FRMD4B: variants seen among roughly 807,000 people sequenced by gnomAD.
FRMD4B encodes the protein FERM domain containing 4B.
In FRMD4B, 74 loss-of-function variants were observed where a neutral mutation model predicts 141.5. The ratio of observed to expected loss-of-function variants is 0.52; its 90% CI spans 0.43 to 0.63. The LOEUF is 0.63. FRMD4B is among the 30% of genes least tolerant of loss of function. FRMD4B has a pLI of 0.00. For missense variants in FRMD4B, 1,366 were observed against 1,253.4 expected, an observed-to-expected ratio of 1.09 and a Z score of -1.36; for synonymous variants, 506 against 467.9, an observed-to-expected ratio of 1.08 and a Z score of -1.05.
At position 69,193,822 on chromosome 3, in the gene FRMD4B, C is replaced by T. The variant is rs1469614007; in HGVS notation, c.1540G>A (p.Val514Met). 6.2e-7 allele frequency: 1 copy of T among 1,613,728 alleles called. No homozygotes were observed. The highest frequency in any genetic ancestry group is 1.1e-5 in the South Asian group (1 of 91,060). ...TTGGCAAGTTTCTTTGCAGCTTCCA[C>T]CAGCTTTTGTTGTATTAGAAAATTA... ...ESNFLIQQKL[V>M]EAAKKLANEP... is the part of the protein sequence containing the mutation. The change falls in exon 17 of 23, where the codon GTG becomes ATG. Residue 514 changes from valine (V) to methionine (M), a missense_variant. Physicochemically the swap from Val to Met is conservative, Grantham distance 21. Coordinates refer to ENST00000398540, the MANE Select transcript of FRMD4B (RefSeq NM_015123.3).
intron 19 of FRMD4B, among the ~76,000 whole-genome samples, chr3:69,185,950 G>A (rs1391891481): frequency 3.3e-5 from 5 of 151,684 alleles, no homozygotes; most frequent in Non-Finnish European, 1.5e-5. Context: ...GCTGAGGGGG[G>A]AGAATTGCTT....
intron 1 of FRMD4B, among the ~76,000 whole-genome samples, chr3:69,527,482 A>G (rs929973778): frequency 3.3e-5 from 5 of 152,246 alleles, no homozygotes; most frequent in African/African-American, 9.6e-5. Flanking sequence ...AAAGCAAAGC[A>G]GAGGCAAAGA....
chr3:69,271,578 AT>A (rs11334768), intron 5 of FRMD4B, among the ~76,000 whole-genome samples: 37,813 of 152,180 alleles, frequency 0.25, 4,973 homozygotes, highest in East Asian at 0.45. Flanking sequence ...TAATGCTCAT[AT>A]TAAAGACAAA....
intron 1 of FRMD4B, among the ~76,000 whole-genome samples, chr3:69,476,305 T>G (rs1346294682): frequency 6.6e-6 from 1 of 152,058 alleles, no homozygotes. Context: ...TGGTAATGCC[T>G]AGGTTTTCTT....
At chr3:69,228,362 AG>A in intron 7 of FRMD4B, 1 of 457,022 alleles carries the variant, frequency 2.2e-6, no homozygotes, top group South Asian at 1.5e-5. Context: ...CAAGTGAGAC[AG>A]GCATTAGAAA....
At chr3:69,481,488 C>T (rs1403152712) in intron 1 of FRMD4B, among the ~76,000 whole-genome samples, 1 of 152,084 alleles carries the variant, frequency 6.6e-6, no homozygotes, top group Admixed American at 6.5e-5. Context: ...GAAAATCCCT[C>T]AGTAAAAAAG....
intron 1 of FRMD4B, among the ~76,000 whole-genome samples, chr3:69,456,735 A>G (rs1388385713): frequency 7.9e-6 from 1 of 127,140 alleles, no homozygotes; most frequent in African/African-American, 3.0e-5. Flanking sequence ...CATTTTTGTA[A>G]AAAAAAAAAA....
intron 5 of FRMD4B, among the ~76,000 whole-genome samples, chr3:69,263,093 T>C (rs1228465754): frequency 6.6e-6 from 1 of 151,920 alleles, no homozygotes; most frequent in East Asian, 2.0e-4. Flanking sequence ...ACCCCGTCTC[T>C]ACTAAAAATA....
intron 1 of FRMD4B, among the ~76,000 whole-genome samples, chr3:69,434,638 A>G (rs1366530747): frequency 2.0e-5 from 3 of 152,236 alleles, no homozygotes; most frequent in Admixed American, 1.3e-4. Flanking sequence ...TGCAGGAGGG[A>G]TATGTTTTAA....
intron 1 of FRMD4B, among the ~76,000 whole-genome samples, chr3:69,523,703 C>G (rs1457470728): frequency 6.6e-6 from 1 of 152,068 alleles, no homozygotes; most frequent in Non-Finnish European, 1.5e-5. Flanking sequence ...ACACTACCAC[C>G]CTAACTAAGA....
chr3:69,303,883 C>T (rs529517684), intron 3 of FRMD4B, among the ~76,000 whole-genome samples: 5 of 151,990 alleles, frequency 3.3e-5, no homozygotes, highest in South Asian at 2.1e-4. Context: ...TGCAGTGAGC[C>T]GTGATCATGC....
intron 2 of FRMD4B, among the ~76,000 whole-genome samples, chr3:69,425,684 C>T (rs1705065143): frequency 6.6e-6 from 1 of 152,208 alleles, no homozygotes; most frequent in African/African-American, 2.4e-5. Context: ...TCAATCCTCA[C>T]TGTGATGTTT....
intron 7 of FRMD4B, among the ~76,000 whole-genome samples, chr3:69,234,359 C>T (rs917226417): frequency 4.6e-5 from 7 of 152,006 alleles, no homozygotes; most frequent in African/African-American, 1.7e-4. Context: ...TGACAGATTG[C>T]ATAAACAAGT....
At chr3:69,292,569 G>A (rs189343510) in intron 4 of FRMD4B, among the ~76,000 whole-genome samples, 12 of 152,274 alleles carry the variant, frequency 7.9e-5, no homozygotes, top group Admixed American at 1.3e-4. Flanking sequence ...CTGGCGACCA[G>A]CCCTGGTGCC....
chr3:69,367,994 T>C (rs548897341), intron 1 of FRMD4B, among the ~76,000 whole-genome samples: 4 of 152,248 alleles, frequency 2.6e-5, no homozygotes, highest in Non-Finnish European at 4.4e-5. Context: ...ATATGACATA[T>C]ATCAGTATGT....
intron 1 of FRMD4B, among the ~76,000 whole-genome samples, chr3:69,332,742 A>ATTTTT (rs58437578): frequency 1.5e-5 from 1 of 67,550 alleles, no homozygotes; most frequent in African/African-American, 6.3e-5. Context: ...ACACCTGGCT[A>ATTTTT]TTTTTTTTTT....
At chr3:69,287,495 T>G (rs1700725947) in intron 5 of FRMD4B, 1 of 438,852 alleles carries the variant, frequency 2.3e-6, no homozygotes, top group Non-Finnish European at 4.1e-6. Flanking sequence ...TCTGTGTCGA[T>G]TATTTGCTGG....
intron 1 of FRMD4B, among the ~76,000 whole-genome samples, chr3:69,456,412 A>G (rs909780661): frequency 1.3e-5 from 2 of 152,228 alleles, no homozygotes; most frequent in Non-Finnish European, 2.9e-5. Context: ...ATGGTTTTTC[A>G]TAAAGCCTTA....
chr3:69,343,937 C>T (rs1702837299), intron 1 of FRMD4B, among the ~76,000 whole-genome samples: 1 of 152,136 alleles, frequency 6.6e-6, no homozygotes, highest in South Asian at 2.1e-4. Flanking sequence ...AAAAGTCAAG[C>T]TTGTAAGAGC....
Sources: gnomAD v4.1 joint callset for allele counts (sites outside exome capture counted in the v4.1 genomes callset) on GRCh38, gnomAD v4.1.1 for gene constraint, MANE v1.5 for transcripts, NCBI Gene and HGNC (gene_info 2026-07-23, HGNC 2026-07-21) for gene names.